Variants in RBFOX1 observed in about 807,000 individuals in gnomAD.
RBFOX1 encodes RNA binding fox-1 homolog 1.
Under a neutral mutation model 57.7 loss-of-function variants are expected in RBFOX1, and 8 were observed. The ratio of observed to expected loss-of-function variants is 0.14; its 90% CI spans 0.08 to 0.25. The LOEUF is 0.25. Ranked by LOEUF, RBFOX1 falls within the 10% of genes least tolerant of loss-of-function variation. The probability of loss-of-function intolerance (pLI) is 1.00; values close to 1 mark genes in which losing one functional copy is unlikely to be tolerated. For synonymous variants in RBFOX1, 326 were observed against 222.4 expected (o/e 1.47, Z -4.15); for missense variants, 611 against 548.5 (o/e 1.11, Z -1.14).
At chr16:7,674,544 C>T in intron 13 of RBFOX1, among the ~76,000 whole-genome samples, 1 of 152,154 alleles carries the variant, frequency 6.6e-6, no homozygotes, top group Non-Finnish European at 1.5e-5. Flanking sequence ...ACCCTGGAAT[C>T]AGGAATGCTC....
At chr16:5,446,128 A>G (rs1052184960) in intron 1 of RBFOX1, among the ~76,000 whole-genome samples, 9 of 152,208 alleles carry the variant, frequency 5.9e-5, no homozygotes, top group Non-Finnish European at 1.2e-4. Context: ...GAATGAAGGA[A>G]GACAAATTTT....
intron 3 of RBFOX1, among the ~76,000 whole-genome samples, chr16:6,955,825 C>T (rs1403025361): frequency 6.6e-6 from 1 of 152,074 alleles, no homozygotes; most frequent in Non-Finnish European, 1.5e-5. Flanking sequence ...CCTGCCTCAG[C>T]CTCCTGAGTT....
intron 2 of RBFOX1, among the ~76,000 whole-genome samples, chr16:6,386,921 A>G (rs188990111): frequency 3.9e-5 from 6 of 152,324 alleles, no homozygotes; most frequent in African/African-American, 1.4e-4. Context: ...ATTGTGGAAT[A>G]AAGAATCTCT....
chr16:6,057,102 C>G (rs1180818131), intron 1 of RBFOX1: 3 of 151,876 alleles, frequency 2.0e-5, no homozygotes, highest in Non-Finnish European at 2.9e-5. Flanking sequence ...TGCAATAAAT[C>G]AAGTGAGTTT....
In RBFOX1 at chr16:5,894,863, T is replaced by C. The variant is rs554265025; in HGVS notation, c.351+27528T>C. ...GGTGAAACCCCGTCTCTACTAAAAA[T>C]ACAAAAATATTAGCTACGCATGGTG... On this transcript the variant is annotated intron_variant, in intron 4 of 19. Coordinates refer to the RBFOX1 transcript ENST00000641259. Among the ~76,000 whole-genome samples, 7 of 150,362 alleles carry C rather than the reference T, an allele frequency of 4.7e-5. No individual in the cohort carries two copies. In the South Asian group the frequency reaches 1.5e-3, roughly 33 times the overall value.
chr16:6,854,290 G>C (rs958213179), intron 3 of RBFOX1, among the ~76,000 whole-genome samples: 3 of 152,130 alleles, frequency 2.0e-5, no homozygotes, highest in Admixed American at 6.5e-5. Flanking sequence ...AGGAAAGATG[G>C]AGGATCAATA....
chr16:5,294,511 C>T (rs1365023082), intron 1 of RBFOX1, among the ~76,000 whole-genome samples: 2 of 152,154 alleles, frequency 1.3e-5, no homozygotes, highest in African/African-American at 2.4e-5. Context: ...CAACCGGCTG[C>T]CTCAAAATGC....
intron 4 of RBFOX1, among the ~76,000 whole-genome samples, chr16:7,116,810 A>G (rs113049602): frequency 3.9e-5 from 6 of 152,262 alleles, no homozygotes; most frequent in African/African-American, 1.2e-4. Context: ...GCAGAGGCAT[A>G]TAACAGCACA....
chr16:7,175,823 A>G (rs1282366877), intron 4 of RBFOX1, among the ~76,000 whole-genome samples: 1 of 152,198 alleles, frequency 6.6e-6, no homozygotes, highest in Admixed American at 6.5e-5. Flanking sequence ...GCTGGGTTGC[A>G]GTAATCTAGG....
chr16:6,802,123 T>C (rs1183458550), intron 3 of RBFOX1, among the ~76,000 whole-genome samples: 1 of 152,072 alleles, frequency 6.6e-6, no homozygotes. Flanking sequence ...TCCTTCAGTA[T>C]CTTGTCAGGA....
chr16:6,048,300 A>G (rs2095516271), intron 1 of RBFOX1, among the ~76,000 whole-genome samples: 1 of 152,150 alleles, frequency 6.6e-6, no homozygotes, highest in South Asian at 2.1e-4. Context: ...TTCAAATAGT[A>G]TTCTAGTCAG....
intron 3 of RBFOX1, among the ~76,000 whole-genome samples, chr16:6,700,824 A>G (rs2061706879): frequency 6.6e-6 from 1 of 151,792 alleles, no homozygotes; most frequent in Non-Finnish European, 1.5e-5. Context: ...GGTTCATGAC[A>G]TATAGAATTT....
At chr16:6,035,451 C>G (rs2095353467) in intron 1 of RBFOX1, among the ~76,000 whole-genome samples, 1 of 152,204 alleles carries the variant, frequency 6.6e-6, no homozygotes, top group Admixed American at 6.5e-5. Flanking sequence ...CACTGCCCAA[C>G]AAGACTTTGT....
At chr16:5,780,256 C>G (rs549216225) in intron 3 of RBFOX1, among the ~76,000 whole-genome samples, 17 of 152,334 alleles carry the variant, frequency 1.1e-4, no homozygotes, top group African/African-American at 3.8e-4. Context: ...CCCATCTCTG[C>G]CTCCCAAAGT....
chr16:6,314,263 G>A (rs12919937), intron 1 of RBFOX1, among the ~76,000 whole-genome samples: 1 of 151,828 alleles, frequency 6.6e-6, no homozygotes, highest in African/African-American at 2.4e-5. Context: ...ATAAGGGGCC[G>A]TTTCCCAGAC....
chr16:6,790,244 G>C (rs2082691470), intron 3 of RBFOX1, among the ~76,000 whole-genome samples: 1 of 150,714 alleles, frequency 6.6e-6, no homozygotes, highest in African/African-American at 2.4e-5. Context: ...GAATGCAGTG[G>C]TACAATTTTA....
At chr16:6,393,983 G>C (rs572693281) in intron 2 of RBFOX1, among the ~76,000 whole-genome samples, 1 of 152,312 alleles carries the variant, frequency 6.6e-6, no homozygotes, top group Admixed American at 6.5e-5. Context: ...AAGAATCTTG[G>C]AAGGCGTTTT....
chr16:5,329,426 G>T (rs918435685), intron 1 of RBFOX1, among the ~76,000 whole-genome samples: 2 of 152,062 alleles, frequency 1.3e-5, no homozygotes, highest in East Asian at 3.9e-4. Flanking sequence ...AACTCACTCC[G>T]TATGACAAGA....
At chr16:6,953,638 C>T (rs1410163041) in intron 3 of RBFOX1, among the ~76,000 whole-genome samples, 5 of 152,284 alleles carry the variant, frequency 3.3e-5, no homozygotes, top group Admixed American at 1.3e-4. Flanking sequence ...CCACTCATCT[C>T]GGCCTCCCAA....
Sources: allele counts gnomAD v4.1 joint callset (sites outside exome capture counted in the v4.1 genomes callset), GRCh38; gene constraint gnomAD v4.1.1; transcripts MANE v1.5; gene names NCBI Gene and HGNC (gene_info 2026-07-23, HGNC 2026-07-21).